CENPP: variants seen among roughly 807,000 people sequenced by gnomAD.
CENPP encodes the protein centromere protein P.
Under a neutral mutation model 35.6 loss-of-function variants are expected in CENPP, and 24 were observed. The ratio of observed to expected loss-of-function variants is 0.67; its 90% CI spans 0.49 to 0.95. The LOEUF is 0.95. Among genes scored for constraint, CENPP ranks in the 40% least tolerant of loss-of-function variants. CENPP has a pLI of 0.00. For synonymous variants in CENPP, 120 were observed against 125.5 expected (o/e 0.96, Z 0.29); for missense variants, 332 against 345.3 (o/e 0.96, Z 0.31).
At chr9:92,361,155 T>TATTTATTTATTTATTG (rs1841737739) in intron 4 of CENPP, among the ~76,000 whole-genome samples, 2 of 151,810 alleles carry the variant, frequency 1.3e-5, no homozygotes, top group East Asian at 3.9e-4. Flanking sequence ...TTTATTTATT[T>TATTTATTTATTTATTG]ATTGAGATGG....
intron 5 of CENPP, among the ~76,000 whole-genome samples, chr9:92,392,862 A>T (rs1842743374): frequency 6.6e-6 from 1 of 152,188 alleles, no homozygotes; most frequent in Non-Finnish European, 1.5e-5. Flanking sequence ...ATGGGCTGTC[A>T]TCATAGACAG....
chr9:92,440,908 G>C (rs1340539086), intron 5 of CENPP, among the ~76,000 whole-genome samples: 2 of 152,094 alleles, frequency 1.3e-5, no homozygotes, highest in Non-Finnish European at 2.9e-5. Flanking sequence ...TGGGTTCTTT[G>C]AAACTGCGAC....
At chr9:92,567,373 G>GATATATAGATATATATATATAT (rs1554688236) in intron 5 of CENPP, among the ~76,000 whole-genome samples, 15 of 129,084 alleles carry the variant, frequency 1.2e-4, no homozygotes, top group African/African-American at 3.6e-4. Flanking sequence ...ACATAAGATA[G>GATATATAGATATATATATATAT]ATATATATAT....
chr9:92,344,056 G>C (rs1009621687), intron 3 of CENPP, among the ~76,000 whole-genome samples: 1 of 150,754 alleles, frequency 6.6e-6, no homozygotes, highest in Non-Finnish European at 1.5e-5. Context: ...AGGAGAATGA[G>C]AACTGTGGGC....
intron 5 of CENPP, among the ~76,000 whole-genome samples, chr9:92,443,040 T>G (rs10761158): frequency 0.4 from 60,925 of 151,822 alleles, 14,352 homozygotes; most frequent in African/African-American, 0.65. Flanking sequence ...TCCTATTCAG[T>G]TTTATACTGG....
intron 5 of CENPP, among the ~76,000 whole-genome samples, chr9:92,475,079 G>A (rs758441250): frequency 9.2e-5 from 14 of 152,150 alleles, no homozygotes; most frequent in Admixed American, 6.5e-4. Flanking sequence ...AAGCAATTCA[G>A]CAATGTGCAT....
intron 1 of CENPP, 50 bp downstream of exon 1, chr9:92,326,155 G>A (rs1235931024): frequency 7.9e-7 from 1 of 1,267,736 alleles, no homozygotes. Context: ...GGGTTCCCGG[G>A]CCAGGCGGGT....
At chr9:92,372,853 C>T (rs1198963972) in intron 4 of CENPP, among the ~76,000 whole-genome samples, 1 of 150,394 alleles carries the variant, frequency 6.6e-6, no homozygotes, top group African/African-American at 2.4e-5. Flanking sequence ...AGACTCCTTT[C>T]TCTTGCTGTT....
At chr9:92,412,953 C>T (rs980839166) in intron 5 of CENPP, among the ~76,000 whole-genome samples, 4 of 139,100 alleles carry the variant, frequency 2.9e-5, no homozygotes, top group South Asian at 2.3e-4. Flanking sequence ...GGAATGGAAT[C>T]GCTGGGTTAT....
chr9:92,551,772 G>A (rs1849592027), intron 5 of CENPP, among the ~76,000 whole-genome samples: 2 of 151,530 alleles, frequency 1.3e-5, no homozygotes, highest in South Asian at 4.2e-4. Flanking sequence ...AACATTCGAT[G>A]TTTGGTTTTC....
At chr9:92,359,871 G>T (rs924193344) in intron 4 of CENPP, among the ~76,000 whole-genome samples, 15 of 151,970 alleles carry the variant, frequency 9.9e-5, no homozygotes, top group Non-Finnish European at 1.6e-4. Context: ...GCCTGCCAGG[G>T]GGGTGGGGGT....
intron 4 of CENPP, among the ~76,000 whole-genome samples, chr9:92,352,505 G>GTGTGTGTGTGTGTATATATA: frequency 1.0e-4 from 5 of 49,764 alleles, no homozygotes; most frequent in African/African-American, 3.6e-4. Context: ...GTGTGTGTGT[G>GTGTGTGTGTGTGTATATATA]TATACATATA....
intron 5 of CENPP, among the ~76,000 whole-genome samples, chr9:92,389,297 T>C (rs1842570728): frequency 6.6e-6 from 1 of 152,242 alleles, no homozygotes; most frequent in Admixed American, 6.5e-5. Context: ...CCCTTTTTCC[T>C]ACATAATATT....
chr9:92,342,557 C>T (rs2130797862), intron 3 of CENPP, among the ~76,000 whole-genome samples: 1 of 152,220 alleles, frequency 6.6e-6, no homozygotes, highest in South Asian at 2.1e-4. Context: ...AGAACTCTCA[C>T]TTTCTCTCTG....
chr9:92,455,957 G>A (rs1844864658), intron 5 of CENPP, among the ~76,000 whole-genome samples: 1 of 152,134 alleles, frequency 6.6e-6, no homozygotes, highest in African/African-American at 2.4e-5. Flanking sequence ...TGTAATCCCA[G>A]CTATTTGGGA....
intron 4 of CENPP, among the ~76,000 whole-genome samples, chr9:92,354,296 A>T (rs151270444): frequency 1.1e-3 from 164 of 152,304 alleles, no homozygotes; most frequent in Non-Finnish European, 1.5e-3. Context: ...TAGCTAGCTG[A>T]TCACCCCAAG....
At chr9:92,504,476 C>G (rs1385032550) in intron 5 of CENPP, among the ~76,000 whole-genome samples, 1 of 152,138 alleles carries the variant, frequency 6.6e-6, no homozygotes, top group Non-Finnish European at 1.5e-5. Context: ...ACCTGGGTTC[C>G]CACGGGGTCT....
rs571266574 is a variant in CENPP at position 92,412,817 on chromosome 9, C to T, written c.564+32958C>T. Among the ~76,000 whole-genome samples the T allele has an allele frequency of 1.2e-4, 19 of 152,066 alleles. No individual in the cohort carries two copies. In the South Asian group the frequency reaches 3.3e-3, roughly 27 times the overall value. On this transcript the variant is annotated intron_variant, in intron 5 of 7. Transcript: ENST00000375587. The stretch of plus-strand genomic sequence containing the variant: ...AATAATATTCCATGAAATGGATATA[C>T]CACATTTTGTTTATCCATTGATGGA...
At position 92,356,954 on chromosome 9, in the gene CENPP, A is replaced by G. The variant is rs139335645; in HGVS notation, c.467+11167A>G. Among the ~76,000 whole-genome samples the G allele has an allele frequency of 1.3e-3, 198 of 152,310 alleles. 5 individuals carry two copies. In the East Asian group the frequency reaches 0.034, roughly 26 times the overall value. On this transcript the variant is annotated intron_variant, in intron 4 of 7. Transcript: ENST00000375587. ...ATTGATGTTATGAACTTGTATATTT[A>G]TATGTTGTGCACCCCAAAATGTAAA...
Sources: gnomAD v4.1 joint callset for allele counts (sites outside exome capture counted in the v4.1 genomes callset) on GRCh38, gnomAD v4.1.1 for gene constraint, MANE v1.5 for transcripts, NCBI Gene and HGNC (gene_info 2026-07-23, HGNC 2026-07-21) for gene names.